CFAP53: variants seen among roughly 807,000 people sequenced by gnomAD.
CFAP53 encodes the protein cilia- and flagella-associated protein 53.
In CFAP53, 62 loss-of-function variants were observed where a neutral mutation model predicts 59.7. That is an observed-to-expected ratio of 1.04 (90% CI 0.85 to 1.28). The LOEUF (loss-of-function observed/expected upper bound fraction) is 1.28, where lower values mean the gene tolerates loss of function less well. CFAP53 is among the 50% of genes most tolerant of loss of function. The pLI, the probability that CFAP53 is intolerant of heterozygous loss-of-function variation, is 0.00. For synonymous variants in CFAP53, 218 were observed against 205.7 expected, an observed-to-expected ratio of 1.06 and a Z score of -0.51; for missense variants, 629 against 615.6, an observed-to-expected ratio of 1.02 and a Z score of -0.23.
intron 3 of CFAP53, among the ~76,000 whole-genome samples, chr18:50,256,698 C>T (rs891701081): frequency 2.6e-5 from 4 of 151,904 alleles, no homozygotes; most frequent in East Asian, 3.9e-4. Flanking sequence ...TTATTAATAG[C>T]GAATTCATGA....
chr18:50,241,603 T>C (rs1487171078), intron 6 of CFAP53, among the ~76,000 whole-genome samples: 1 of 152,104 alleles, frequency 6.6e-6, no homozygotes, highest in African/African-American at 2.4e-5. Context: ...AGAAATTTTA[T>C]AGCTGGGCCT....
intron 7 of CFAP53, among the ~76,000 whole-genome samples, chr18:50,231,833 A>G (rs1017604816): frequency 6.6e-6 from 1 of 152,164 alleles, no homozygotes; most frequent in Non-Finnish European, 1.5e-5. Context: ...CTCACTCTGA[A>G]TCCTCCTGTG....
intron 2 of CFAP53, 104 bp downstream of exon 2, chr18:50,261,886 C>T (rs698617): frequency 0.9 from 685,394 of 760,740 alleles, 309,371 homozygotes; most frequent in East Asian, 0.94. Flanking sequence ...TTAATATAAA[C>T]ATCTCAGCCA....
At chr18:50,256,409 T>A (rs2033847273) in intron 3 of CFAP53, 1 of 152,118 alleles carries the variant, frequency 6.6e-6, no homozygotes, top group Non-Finnish European at 1.5e-5. Context: ...TACCTCAAGC[T>A]TAAGACCTAG....
chr18:50,255,937 T>C (rs1277734196), intron 3 of CFAP53: 2 of 152,144 alleles, frequency 1.3e-5, no homozygotes, highest in East Asian at 3.8e-4. Flanking sequence ...TCAACTATAT[T>C]TTCAGTAATA....
At chr18:50,248,578 G>A (rs1311124818) in intron 5 of CFAP53, among the ~76,000 whole-genome samples, 1 of 152,090 alleles carries the variant, frequency 6.6e-6, no homozygotes, top group African/African-American at 2.4e-5. Flanking sequence ...GAGGTTGGGA[G>A]TTTGAGACCA....
chr18:50,261,873 G>A, intron 2 of CFAP53, 117 bp downstream of exon 2: 1 of 686,332 alleles, frequency 1.5e-6, no homozygotes, highest in South Asian at 2.0e-5. Flanking sequence ...AATAGCTATG[G>A]ATTTAATATA....
At chr18:50,263,256 C>T (rs1192092926) in intron 1 of CFAP53, among the ~76,000 whole-genome samples, 2 of 152,096 alleles carry the variant, frequency 1.3e-5, no homozygotes, top group Admixed American at 1.3e-4. Flanking sequence ...TCAAGTCATC[C>T]TTAGGTAAGT....
chr18:50,266,221 GAC>G (rs2033970019), intron 1 of CFAP53, 113 bp downstream of exon 1: 1 of 929,140 alleles, frequency 1.1e-6, no homozygotes, highest in Non-Finnish European at 1.7e-6. Flanking sequence ...TGCATCAGGC[GAC>G]ACCCGTTCCC....
In CFAP53 at chr18:50,240,471, T is replaced by C. The variant is rs556547857; in HGVS notation, c.1214-1766A>G. On this transcript the variant is annotated intron_variant, in intron 6 of 7. Coordinates refer to ENST00000398545, the MANE Select transcript of CFAP53 (RefSeq NM_145020.5). ...GCCTGTGCAGTCCAATCCTAGCCAA[T>C]AGCGGAATGACACAGCAGCAGGGGC... is the stretch of plus-strand genomic sequence containing the variant. Among the ~76,000 whole-genome samples, 28 of 152,270 alleles carry C rather than the reference T, an allele frequency of 1.8e-4. No homozygotes were observed. In the East Asian group the frequency reaches 4.8e-3, roughly 26 times the overall value.
intron 3 of CFAP53, among the ~76,000 whole-genome samples, chr18:50,259,402 A>G (rs561233250): frequency 3.8e-4 from 57 of 151,968 alleles, no homozygotes; most frequent in Non-Finnish European, 6.5e-4. Context: ...CTAAAAATCA[A>G]AACAATTGAA....
At chr18:50,254,992 G>A (rs1409646233) in intron 3 of CFAP53, among the ~76,000 whole-genome samples, 3 of 152,118 alleles carry the variant, frequency 2.0e-5, no homozygotes, top group African/African-American at 7.2e-5. Flanking sequence ...GTACACAAAC[G>A]TTCCTGTCAG....
intron 3 of CFAP53, among the ~76,000 whole-genome samples, chr18:50,258,459 A>T (rs1042372691): frequency 6.6e-6 from 1 of 152,222 alleles, no homozygotes; most frequent in African/African-American, 2.4e-5. Flanking sequence ...AAATCAAAAT[A>T]GATCCAAGAC....
intron 3 of CFAP53, among the ~76,000 whole-genome samples, chr18:50,255,842 A>G (rs2033842454): frequency 6.7e-6 from 1 of 149,386 alleles, no homozygotes; most frequent in Non-Finnish European, 1.5e-5. Context: ...GAAGAAATAA[A>G]TTGTGGTATA....
chr18:50,243,222 C>T (rs961770326), intron 5 of CFAP53, 106 bp from the exon 6 acceptor site: 2 of 744,612 alleles, frequency 2.7e-6, no homozygotes. Flanking sequence ...TCTTTTAGAA[C>T]TATGTACTGA....
intron 7 of CFAP53, among the ~76,000 whole-genome samples, chr18:50,228,241 G>T (rs895602233): frequency 1.3e-5 from 2 of 150,976 alleles, no homozygotes; most frequent in African/African-American, 4.9e-5. Flanking sequence ...TTACAGGCGT[G>T]AGCCACCACA....
In CFAP53 at chr18:50,250,815, G is replaced by A. The variant is rs35308427; in HGVS notation, c.939C>T (p.Leu313=). Residue 313 remains leucine, a synonymous_variant, in exon 5 of 8, where the codon CTC becomes CTT. Transcript: ENST00000398545. The stretch of plus-strand genomic sequence containing the variant: ...GTAAGTCTTGAAGGGCCCTTTGCAC[G>A]AGCTTCATGTTCAAGTCCTGTTCGT... ...YRDEQDLNMK[L]VQRALQDLQE... The A allele has an allele frequency of 1.8e-3, 2,876 of 1,614,148 alleles. 42 individuals carry two copies. In the African/African-American group the frequency reaches 0.03, roughly 17 times the overall value.
Position 50,251,607 on chromosome 18 carries a change from G to A in CFAP53, c.651C>T (p.Ala217=), listed in dbSNP as rs2033801100. ...GCTCTTTCTGTCTCCTCGCCTCTTG[G>A]GCTTCTCGCTTTTCCTTGGCTAATC... The part of the protein sequence containing the change: ...EDRLAKEKRE[A]QEARRQKELM... The change falls in exon 4 of 8, where the codon GCC becomes GCT. Residue 217 remains alanine, a synonymous_variant. Coordinates refer to ENST00000398545, the MANE Select transcript of CFAP53 (RefSeq NM_145020.5). The A allele has an allele frequency of 6.2e-7, 1 of 1,614,000 alleles. No individual in the cohort carries two copies. The highest frequency in any genetic ancestry group is 1.7e-5 in the Admixed American group (1 of 59,986).
intron 1 of CFAP53, among the ~76,000 whole-genome samples, chr18:50,262,733 T>C (rs1358750147): frequency 6.6e-6 from 1 of 152,134 alleles, no homozygotes; most frequent in Non-Finnish European, 1.5e-5. Context: ...TGTATATACA[T>C]GTATATGTGT....
Sources: gnomAD v4.1 joint callset for allele counts (sites outside exome capture counted in the v4.1 genomes callset) on GRCh38, gnomAD v4.1.1 for gene constraint, MANE v1.5 for transcripts, NCBI Gene and HGNC (gene_info 2026-07-23, HGNC 2026-07-21) for gene names.